YTHDC1: variants seen among roughly 807,000 people sequenced by gnomAD.
The protein encoded by YTHDC1 is YTH domain-containing protein 1.
A neutral mutation model predicts 107.0 loss-of-function variants in YTHDC1; 12 were observed. That is an observed-to-expected ratio of 0.11 (90% confidence interval 0.07 to 0.18). The LOEUF (loss-of-function observed/expected upper bound fraction) is 0.18, where lower values mean the gene tolerates loss of function less well. Among genes scored for constraint, YTHDC1 ranks in the 10% least tolerant of loss-of-function variants. The pLI is 1.00. For synonymous variants in YTHDC1, 280 were observed against 289.5 expected, an observed-to-expected ratio of 0.97 and a Z score of 0.33; for missense variants, 635 against 898.8, an observed-to-expected ratio of 0.71 and a Z score of 3.75.
chr4:68,338,948 A>T (rs1724522788), intron 1 of YTHDC1, among the ~76,000 whole-genome samples: 2 of 152,358 alleles, frequency 1.3e-5, no homozygotes, highest in African/African-American at 2.4e-5. Context: ...AGGCATAAAA[A>T]GAAAATGCAA....
At chr4:68,327,197 T>C (rs1231844528) in intron 9 of YTHDC1, among the ~76,000 whole-genome samples, 2 of 151,738 alleles carry the variant, frequency 1.3e-5, no homozygotes, top group Admixed American at 6.6e-5. Context: ...GATTGCGCCA[T>C]TGCACTCTAG....
chr4:68,316,115 T>C, intron 16 of YTHDC1, 199 bp downstream of exon 16: 1 of 527,810 alleles, frequency 1.9e-6, no homozygotes, highest in Non-Finnish European at 3.0e-6. Context: ...ATTTGATCAG[T>C]AAAAGAAATA....
intron 1 of YTHDC1, among the ~76,000 whole-genome samples, chr4:68,346,101 A>ATATATATATATATATATATATATATG (rs59376937): frequency 1.2e-5 from 1 of 84,598 alleles, no homozygotes; most frequent in Admixed American, 1.1e-4. Context: ...ATATATATAT[A>ATATATATATATATATATATATATATG]CACACACACC....
chr4:68,342,920 C>T (rs1405104931), intron 1 of YTHDC1, among the ~76,000 whole-genome samples: 1 of 152,076 alleles, frequency 6.6e-6, no homozygotes, highest in African/African-American at 2.4e-5. Context: ...CCTGAACAAA[C>T]GTTTTTAACC....
intron 7 of YTHDC1, 81 bp downstream of exon 7, chr4:68,332,022 G>A: frequency 1.3e-6 from 1 of 793,438 alleles, no homozygotes; most frequent in Non-Finnish European, 1.9e-6. Flanking sequence ...TAATACCTAT[G>A]CTACTTGATA....
intron 15 of YTHDC1, 112 bp from the exon 16 acceptor site, chr4:68,316,560 A>G: frequency 1.6e-6 from 2 of 1,271,718 alleles, no homozygotes. Flanking sequence ...TCTGTACTAG[A>G]CATTTACTTT....
chr4:68,322,786 G>A lies in YTHDC1; in HGVS notation c.1564C>T (p.Arg522Cys), dbSNP rs776786214. Reference sequence around the variant, plus strand: ...CGGACTGGTTCTCGACGGGATGGACGTCCTCGTGATCGGGGCTGAGAATGC... The same window carrying A: ...CGGACTGGTTCTCGACGGGATGGACATCCTCGTGATCGGGGCTGAGAATGC... ...RMHSQPRSRG[R>C]PSRREPVRDV... The change falls in exon 11 of 17, where the codon CGT becomes TGT. Residue 522 changes from arginine (R) to cysteine (C), a missense_variant. Around this residue, in one of 5 missense-constraint regions of YTHDC1, gnomAD observed 256 missense variants for 372.9 expected, o/e 0.69. Coordinates refer to ENST00000344157, the MANE Select transcript of YTHDC1 (RefSeq NM_001031732.4). The surrounding 1 kb of genome is among the most constrained non-coding windows in gnomAD (Gnocchi z 4.8). The A allele has an allele frequency of 1.2e-6, 2 of 1,614,104 alleles. No homozygotes were observed. The highest frequency in any genetic ancestry group is 2.2e-5 in the East Asian group (1 of 44,880).
chr4:68,349,078 G>A (rs978723834), intron 1 of YTHDC1, among the ~76,000 whole-genome samples: 1 of 152,062 alleles, frequency 6.6e-6, no homozygotes, highest in Non-Finnish European at 1.5e-5. Context: ...AGCTACACAC[G>A]GTTTTTCTAA....
Position 68,330,316 on chromosome 4 carries a change from T to C in YTHDC1, c.1123-6A>G. 1.3e-6 allele frequency: 2 copies of C among 1,505,932 alleles called. No homozygotes were observed. Among genetic ancestry groups the C allele is most frequent in the Non-Finnish European group, 1.8e-6 (2 of 1,120,280 alleles). The allele number at this position is 1,505,932 out of a possible 1,614,324, so 93.3% of individuals were successfully genotyped here. A position where few individuals can be genotyped will look rare whatever the true frequency, so the allele number is the denominator to read the frequency against. On this transcript the variant is annotated splice_polypyrimidine_tract_variant and splice_region_variant and intron_variant, in intron 7 of 16. Coordinates refer to ENST00000344157, the MANE Select transcript of YTHDC1 (RefSeq NM_001031732.4). The stretch of plus-strand genomic sequence containing the variant: ...GGGAGCGTGGACCATACACCCTACA[T>C]AAATAACATAAAGACCACAAAGTGA...
chr4:68,349,344 T>G (rs375838416), intron 1 of YTHDC1, among the ~76,000 whole-genome samples: 7 of 151,492 alleles, frequency 4.6e-5, no homozygotes, highest in African/African-American at 1.7e-4. Flanking sequence ...ATTAGGGGTT[T>G]TCAAATTTTA....
chr4:68,343,177 T>C (rs916272433), intron 1 of YTHDC1, among the ~76,000 whole-genome samples: 2 of 152,122 alleles, frequency 1.3e-5, no homozygotes, highest in African/African-American at 2.4e-5. Flanking sequence ...TAGAGAACTA[T>C]AGACATTAAA....
chr4:68,337,748 A>G lies in YTHDC1; in HGVS notation c.283T>C (p.Tyr95His). 1 of 1,613,894 alleles carries G rather than the reference A, an allele frequency of 6.2e-7. No individual in the cohort carries two copies. The highest frequency in any genetic ancestry group is 8.5e-7 in the Non-Finnish European group (1 of 1,179,982). Residue 95 changes from tyrosine (Y) to histidine (H), a missense_variant, in exon 3 of 17, where the codon TAT (tyrosine) becomes CAT (histidine). By Grantham distance (83) the Tyr-to-His change is moderately conservative. Transcript: ENST00000344157. ...GATCTTTGATATTCCTCATTTTTATACTCTGTGGCTGACTTTCCTTTTGTA... is the reference window on the plus strand; with the variant it reads ...GATCTTTGATATTCCTCATTTTTATGCTCTGTGGCTGACTTTCCTTTTGTA... Reference protein sequence around the residue: ...VSTKGKSATEYKNEEYQRSER... With the variant: ...VSTKGKSATEHKNEEYQRSER...
At chr4:68,341,218 C>A (rs758431405) in intron 1 of YTHDC1, among the ~76,000 whole-genome samples, 1 of 152,104 alleles carries the variant, frequency 6.6e-6, no homozygotes, top group Non-Finnish European at 1.5e-5. Flanking sequence ...GAAGTTCCGG[C>A]TTTAGAAATT....
At chr4:68,318,446 T>C (rs1210747027) in intron 15 of YTHDC1, 73 bp downstream of exon 15, 2 of 1,401,870 alleles carry the variant, frequency 1.4e-6, no homozygotes, top group East Asian at 4.8e-5. Context: ...AACAATCATA[T>C]TCCGAGTAAG....
intron 1 of YTHDC1, among the ~76,000 whole-genome samples, chr4:68,344,606 T>C (rs952153331): frequency 5.3e-5 from 8 of 152,198 alleles, no homozygotes; most frequent in Non-Finnish European, 1.2e-4. Context: ...GATTCCACAG[T>C]TGGCTGCTAG....
intron 4 of YTHDC1, 106 bp downstream of exon 4, chr4:68,336,921 T>C: frequency 7.2e-7 from 1 of 1,395,216 alleles, no homozygotes; most frequent in Non-Finnish European, 9.6e-7. Flanking sequence ...AAGACAATCC[T>C]ATTAATATCC....
At chr4:68,335,569 T>C (rs974863114) in intron 4 of YTHDC1, among the ~76,000 whole-genome samples, 1 of 152,108 alleles carries the variant, frequency 6.6e-6, no homozygotes, top group Admixed American at 6.5e-5. Flanking sequence ...TTTAAGTAAG[T>C]TCCCTTTGTT....
rs371159716 is a variant in YTHDC1, at chr4:68,310,614, C to T, written c.*3485G>A. On this transcript the variant is annotated 3_prime_UTR_variant, in exon 17 of 17. Transcript: ENST00000344157. ...TACTATAAGGAACTTGGGGACTAAA[C>T]TTGAGCCAGTTCTTTCCTGTGTGCC... 3 of 152,198 alleles carry T rather than the reference C, an allele frequency of 2.0e-5. No individual in the cohort carries two copies. The highest frequency in any genetic ancestry group is 7.2e-5 in the African/African-American group (3 of 41,452). The allele number at this position is 152,198 out of a possible 1,614,324, so 9.4% of individuals were successfully genotyped here.
intron 1 of YTHDC1, among the ~76,000 whole-genome samples, chr4:68,340,568 T>A (rs1315242486): frequency 6.6e-6 from 1 of 151,992 alleles, no homozygotes; most frequent in Non-Finnish European, 1.5e-5. Context: ...ATAAAAAAAA[T>A]AGTCTGATAG....
Sources: gnomAD v4.1 joint callset for allele counts (sites outside exome capture counted in the v4.1 genomes callset) on GRCh38, gnomAD v4.1.1 for gene constraint, gnomAD v4.1.1 regional missense constraint, Gnocchi (gnomAD v3.1) non-coding constraint, MANE v1.5 for transcripts, NCBI Gene and HGNC (gene_info 2026-07-23, HGNC 2026-07-21) for gene names.